Variants in CC2D2A observed in about 807,000 individuals in gnomAD.
CC2D2A encodes the protein coiled-coil and C2 domain containing 2A.
CC2D2A carries 155 observed loss-of-function variants against 212.9 expected under a neutral mutation model. That is an observed-to-expected ratio of 0.73 (90% CI 0.64 to 0.83). CC2D2A has a LOEUF of 0.83. Among genes scored for constraint, CC2D2A ranks in the 40% least tolerant of loss-of-function variants. CC2D2A has a pLI of 0.00. For missense variants in CC2D2A, 1,856 were observed against 1,956.2 expected, an observed-to-expected ratio of 0.95 and a Z score of 0.97; for synonymous variants, 667 against 686.5, an observed-to-expected ratio of 0.97 and a Z score of 0.44.
chr4:15,587,028 G>A (rs976113301), intron 31 of CC2D2A, among the ~76,000 whole-genome samples: 1 of 152,174 alleles, frequency 6.6e-6, no homozygotes, highest in Non-Finnish European at 1.5e-5. Flanking sequence ...GTGTACTCTA[G>A]AGCAGCAGTC....
At chr4:15,472,277 C>T (rs2108960839) in intron 1 of CC2D2A, among the ~76,000 whole-genome samples, 1 of 152,278 alleles carries the variant, frequency 6.6e-6, no homozygotes, top group Admixed American at 6.5e-5. Flanking sequence ...CTAAGCCAGA[C>T]ATGTTATTGT....
chr4:15,599,379 T>A (rs1005632638), intron 35 of CC2D2A, 150 bp from the exon 36 acceptor site: 18 of 553,624 alleles, frequency 3.3e-5, no homozygotes, highest in Admixed American at 2.5e-4. Flanking sequence ...GAGTAGCCCA[T>A]TATTAGACAT....
Position 15,517,009 on chromosome 4 carries a change from G to A in CC2D2A, c.1149+253G>A, listed in dbSNP as rs183096710. ...GTCGCCCAGGTTGGAGTGCAGTGGC[G>A]CGATCTCGGCTCACTGCAGGCTCCG... On this transcript the variant is annotated intron_variant, in intron 11 of 36. Coordinates refer to ENST00000424120, the MANE Select transcript of CC2D2A (RefSeq NM_001378615.1). Among the ~76,000 whole-genome samples the A allele has an allele frequency of 0.011, 1,508 of 141,474 alleles. 30 individuals carry two copies. The highest frequency in any genetic ancestry group is 0.037 in the African/African-American group (1,425 of 38,186). 92.8% of individuals were successfully genotyped at this position (141,474 alleles called of 152,430 possible).
chr4:15,553,699 TC>T (rs1354193383), intron 19 of CC2D2A, among the ~76,000 whole-genome samples: 1 of 152,096 alleles, frequency 6.6e-6, no homozygotes, highest in African/African-American at 2.4e-5. Flanking sequence ...TACATGAAAG[TC>T]CCCATTCTCC....
chr4:15,510,360 C>A, intron 7 of CC2D2A, 120 bp downstream of exon 7: 3 of 770,676 alleles, frequency 3.9e-6, no homozygotes, highest in Admixed American at 2.6e-5. Context: ...CTTTGGGAGG[C>A]CAAGACAGGC....
chr4:15,569,740 AT>A (rs1270459023), intron 27 of CC2D2A, among the ~76,000 whole-genome samples: 1 of 152,236 alleles, frequency 6.6e-6, no homozygotes, highest in Non-Finnish European at 1.5e-5. Flanking sequence ...CGTTTTCTAA[AT>A]TACTGTATTT....
intron 6 of CC2D2A, among the ~76,000 whole-genome samples, chr4:15,504,355 C>A (rs979130182): frequency 6.6e-6 from 1 of 152,016 alleles, no homozygotes; most frequent in Non-Finnish European, 1.5e-5. Context: ...TATTTTCTTA[C>A]TACAAAAGCC....
chr4:15,540,478 A>G (rs1030301357), intron 16 of CC2D2A, among the ~76,000 whole-genome samples: 4 of 152,250 alleles, frequency 2.6e-5, no homozygotes, highest in South Asian at 2.1e-4. Flanking sequence ...TTACTCAAAT[A>G]TAAATCATTA....
At chr4:15,499,706 A>G (rs1410601694) in intron 4 of CC2D2A, among the ~76,000 whole-genome samples, 1 of 152,178 alleles carries the variant, frequency 6.6e-6, no homozygotes. Context: ...GATTATTTTT[A>G]TGTTCGTAAA....
At chr4:15,569,618 C>G (rs954805692) in intron 27 of CC2D2A, among the ~76,000 whole-genome samples, 3 of 151,914 alleles carry the variant, frequency 2.0e-5, no homozygotes, top group African/African-American at 7.3e-5. Flanking sequence ...AGGGTGTTCT[C>G]GAAAGTAAGA....
intron 16 of CC2D2A, among the ~76,000 whole-genome samples, chr4:15,539,958 T>C (rs1718335156): frequency 6.6e-6 from 1 of 152,222 alleles, no homozygotes; most frequent in African/African-American, 2.4e-5. Context: ...AGAGAATTTC[T>C]GTTTGGAATG....
intron 6 of CC2D2A, among the ~76,000 whole-genome samples, chr4:15,507,265 C>T (rs917394489): frequency 1.4e-4 from 21 of 152,216 alleles, no homozygotes; most frequent in African/African-American, 4.8e-4. Flanking sequence ...TTAACCTTAA[C>T]ACTACAAAAT....
chr4:15,540,745 T>C, intron 16 of CC2D2A, 92 bp from the exon 17 acceptor site: 1 of 1,168,002 alleles, frequency 8.6e-7, no homozygotes, highest in Non-Finnish European at 1.2e-6. Flanking sequence ...GCCTGCAGTG[T>C]GTCTTGTTCT....
rs1030712407 is a variant in CC2D2A at position 15,567,725 on chromosome 4, C to T, written c.3337C>T (p.His1113Tyr). Residue 1113 changes from histidine to tyrosine, a missense_variant, in exon 26 of 37, where the codon CAT becomes TAT. His to Tyr is a moderately conservative substitution (Grantham distance 83, BLOSUM62 2). Transcript: ENST00000424120. Reference sequence around the variant, plus strand: ...AGTCTCTTTTCAACGAACAGTTTGCCATACGACTACGGCTGAAGGACCAAA... The same window carrying T: ...AGTCTCTTTTCAACGAACAGTTTGCTATACGACTACGGCTGAAGGACCAAA... ...VEVSFQRTVCHTTTAEGPNPS... is the reference protein window; with the variant it reads ...VEVSFQRTVCYTTTAEGPNPS... The T allele has an allele frequency of 6.9e-6, 11 of 1,605,686 alleles. No homozygotes were observed. The highest frequency in any genetic ancestry group is 9.3e-6 in the Non-Finnish European group (11 of 1,177,948).
intron 4 of CC2D2A, among the ~76,000 whole-genome samples, chr4:15,497,602 A>C (rs1321070321): frequency 1.3e-5 from 2 of 152,260 alleles, no homozygotes; most frequent in African/African-American, 4.8e-5. Context: ...CAAAGTAGCT[A>C]CAGCAATTTA....
chr4:15,475,454 G>T (rs1714139477), intron 1 of CC2D2A, among the ~76,000 whole-genome samples: 1 of 152,154 alleles, frequency 6.6e-6, no homozygotes, highest in Admixed American at 6.5e-5. Flanking sequence ...TGTTCAAGGA[G>T]GGGCCCCATG....
At chr4:15,586,098 G>A (rs556350921) in intron 30 of CC2D2A, 59 bp from the exon 31 acceptor site, 1 of 1,132,594 alleles carries the variant, frequency 8.8e-7, no homozygotes, top group Non-Finnish European at 1.3e-6. Flanking sequence ...ATGAGGTAGG[G>A]GATGCAGCAT....
intron 4 of CC2D2A, among the ~76,000 whole-genome samples, chr4:15,485,752 G>T (rs1256808310): frequency 6.6e-6 from 1 of 152,032 alleles, no homozygotes; most frequent in Admixed American, 6.6e-5. Flanking sequence ...ATACCTGTTG[G>T]CCATTTGTAT....
intron 13 of CC2D2A, among the ~76,000 whole-genome samples, chr4:15,531,646 C>T (rs111581878): frequency 1.9e-4 from 29 of 152,270 alleles, no homozygotes; most frequent in African/African-American, 5.8e-4. Context: ...GCCTTTCCCT[C>T]TTCCTCCCCA....
Sources: allele counts gnomAD v4.1 joint callset (sites outside exome capture counted in the v4.1 genomes callset), GRCh38; gene constraint gnomAD v4.1.1; transcripts MANE v1.5; gene names NCBI Gene and HGNC (gene_info 2026-07-23, HGNC 2026-07-21).